LOC112694756: variants seen among roughly 807,000 people sequenced by gnomAD.
chr16:30,066,642 C>T, the LOC112694756 span, among the ~76,000 whole-genome samples: 141 of 152,318 alleles, frequency 9.3e-4, no homozygotes, highest in African/African-American at 3.3e-3. Context: ...AAAGCCTGAC[C>T]TTGGGATGTC....
At chr16:30,067,174 A>G in the LOC112694756 span, 20 of 1,608,772 alleles carry the variant, frequency 1.2e-5, 1 homozygote, top group South Asian at 2.2e-4. Context: ...GGCCCTGGTC[A>G]TCGGGAGATG....
At chr16:30,058,964 G>C in the LOC112694756 span, 1 of 398,488 alleles carries the variant, frequency 2.5e-6, no homozygotes, top group Non-Finnish European at 4.4e-6. Flanking sequence ...GTGATGGAGA[G>C]AGAGAAATAA....
At chr16:30,059,719 T>C in the LOC112694756 span, among the ~76,000 whole-genome samples, 1 of 151,304 alleles carries the variant, frequency 6.6e-6, no homozygotes, top group Non-Finnish European at 1.5e-5. Flanking sequence ...CCTGCCACCA[T>C]GCCCGGCTAA....
the LOC112694756 span, among the ~76,000 whole-genome samples, chr16:30,062,530 C>CAA: frequency 3.4e-5 from 2 of 58,596 alleles, no homozygotes; most frequent in African/African-American, 6.6e-5. Context: ...GACTCCGTCT[C>CAA]AAAAAAAAAA....
chr16:30,057,355 G>A, the LOC112694756 span, among the ~76,000 whole-genome samples: 1 of 152,324 alleles, frequency 6.6e-6, no homozygotes, highest in East Asian at 1.9e-4. Flanking sequence ...GTGTTACGCA[G>A]GAGAGCCTTG....
At chr16:30,061,700 C>T in the LOC112694756 span, among the ~76,000 whole-genome samples, 4 of 151,458 alleles carry the variant, frequency 2.6e-5, no homozygotes, top group Non-Finnish European at 5.9e-5. Context: ...GCTAGGATTA[C>T]AGGTGCACCC....
the LOC112694756 span, among the ~76,000 whole-genome samples, chr16:30,062,897 C>T: frequency 6.6e-6 from 1 of 150,714 alleles, no homozygotes; most frequent in African/African-American, 2.4e-5. Context: ...AATCTTAGCA[C>T]TTTGGGAGGC....
At chr16:30,067,789 G>C in the LOC112694756 span, 5 of 1,052,572 alleles carry the variant, frequency 4.8e-6, no homozygotes, top group Non-Finnish European at 7.3e-6. Context: ...TTCAGGCTTA[G>C]GGCATTTACT....
chr16:30,068,873 C>T, the LOC112694756 span: 25 of 1,614,230 alleles, frequency 1.5e-5, no homozygotes, highest in South Asian at 2.1e-4. Flanking sequence ...GAGCTGACTT[C>T]GCCAAGTGGC....
chr16:30,054,980 G>A, the LOC112694756 span: 1 of 398,366 alleles, frequency 2.5e-6, no homozygotes, highest in Non-Finnish European at 4.4e-6. Flanking sequence ...AGGAATCCCG[G>A]TAACCTGTCC....
the LOC112694756 span, among the ~76,000 whole-genome samples, chr16:30,058,374 T>C: frequency 2.0e-5 from 3 of 152,076 alleles, no homozygotes; most frequent in Non-Finnish European, 2.9e-5. Flanking sequence ...CTTACGGAGG[T>C]TGGAGTGACT....
the LOC112694756 span, among the ~76,000 whole-genome samples, chr16:30,065,073 G>A: frequency 6.6e-6 from 1 of 152,352 alleles, no homozygotes; most frequent in South Asian, 2.1e-4. Flanking sequence ...GCCTGGCTGC[G>A]GCGGCCCGGC....
the LOC112694756 span, among the ~76,000 whole-genome samples, chr16:30,054,044 G>A: frequency 6.6e-6 from 1 of 150,878 alleles, no homozygotes; most frequent in Non-Finnish European, 1.5e-5. Context: ...AATTGACCAG[G>A]TGCGGTGGCT....
At chr16:30,057,939 A>G in the LOC112694756 span, among the ~76,000 whole-genome samples, 1 of 151,994 alleles carries the variant, frequency 6.6e-6, no homozygotes, top group Admixed American at 6.5e-5. Context: ...TCAAAAAAAA[A>G]AAACCAAAGC....
the LOC112694756 span, chr16:30,067,975 C>T: frequency 1.4e-5 from 6 of 433,990 alleles, no homozygotes; most frequent in African/African-American, 1.2e-4. Context: ...TGTATCCTGT[C>T]TCAGAGGATT....
At chr16:30,054,111 G>C in the LOC112694756 span, among the ~76,000 whole-genome samples, 1 of 152,134 alleles carries the variant, frequency 6.6e-6, no homozygotes, top group Non-Finnish European at 1.5e-5. Flanking sequence ...CCTGAGATCA[G>C]GAGTTCAAGA....
the LOC112694756 span, chr16:30,070,366 C>A: frequency 2.9e-6 from 2 of 701,726 alleles, no homozygotes; most frequent in Middle Eastern, 5.1e-4. Flanking sequence ...AATGCTAAGT[C>A]CATCACCCTT....
the LOC112694756 span, among the ~76,000 whole-genome samples, chr16:30,063,105 C>T: frequency 2.0e-5 from 3 of 150,056 alleles, no homozygotes; most frequent in Non-Finnish European, 3.0e-5. Context: ...CGCACCATTG[C>T]ACTCCACCCT....
At chr16:30,064,155 A>C in the LOC112694756 span, 2 of 398,448 alleles carry the variant, frequency 5.0e-6, no homozygotes, top group African/African-American at 2.1e-5. Flanking sequence ...CTCACCACAC[A>C]CAAGTGTTAT....
Sources: gnomAD v4.1 joint callset for allele counts (sites outside exome capture counted in the v4.1 genomes callset) on GRCh38, gnomAD v4.1.1 for gene constraint, MANE v1.5 for transcripts.